The following SCARA3 variants were observed in gnomAD, a reference collection of about 807,000 sequenced individuals.
SCARA3 encodes scavenger receptor class A member 3.
Under a neutral mutation model 47.0 loss-of-function variants are expected in SCARA3, and 39 were observed. The observed-to-expected ratio is 0.83, with a 90% CI of 0.64 to 1.08. SCARA3 has a LOEUF of 1.08. SCARA3 is among the 50% of genes least tolerant of loss of function. SCARA3 has a pLI of 0.00. For missense variants in SCARA3, 724 were observed against 792.3 expected (o/e 0.91, Z 1.04); for synonymous variants, 356 against 334.1 (o/e 1.07, Z -0.71).
chr8:27,651,713 A>G, intron 3 of SCARA3, 86 bp downstream of exon 3: 3 of 1,538,196 alleles, frequency 2.0e-6, no homozygotes, highest in Non-Finnish European at 2.6e-6. Flanking sequence ...AAAGACAAAC[A>G]CTTGACATCT....
chr8:27,722,719 C>T, the SCARA3 span, among the ~76,000 whole-genome samples: 1 of 152,190 alleles, frequency 6.6e-6, no homozygotes, highest in Non-Finnish European at 1.5e-5. Flanking sequence ...ACCAAAGCAG[C>T]TTTCTCCTAT....
rs1029660903 is a variant in SCARA3, at chr8:27,671,691, T to C, written c.*340T>C. On this transcript the variant is annotated 3_prime_UTR_variant, in exon 6 of 6. Coordinates refer to ENST00000301904, the MANE Select transcript of SCARA3 (RefSeq NM_016240.3). ...ACATGCACACATACACGTGCACACA[T>C]ACACAGGCACACATGCATGCACACA... The C allele has an allele frequency of 4.7e-6, 5 of 1,054,308 alleles. No individual in the cohort carries two copies. Among genetic ancestry groups the C allele is most frequent in the Admixed American group, 5.4e-5 (1 of 18,556 alleles). 65.3% of individuals were successfully genotyped at this position (1,054,308 alleles called of 1,614,324 possible).
At chr8:27,651,334 C>A (rs1367656604) in intron 2 of SCARA3, among the ~76,000 whole-genome samples, 174 bp from the exon 3 acceptor site, 1 of 152,206 alleles carries the variant, frequency 6.6e-6, no homozygotes, top group Non-Finnish European at 1.5e-5. Context: ...CCAGAAAGCA[C>A]CAGCACCTAG....
the SCARA3 span, among the ~76,000 whole-genome samples, chr8:27,727,752 A>G: frequency 1.3e-5 from 2 of 152,222 alleles, no homozygotes; most frequent in African/African-American, 4.8e-5. Context: ...TAGATTTGTA[A>G]TGTTATGTTA....
At chr8:27,639,682 T>C (rs955364874) in intron 1 of SCARA3, among the ~76,000 whole-genome samples, 1 of 152,220 alleles carries the variant, frequency 6.6e-6, no homozygotes, top group Admixed American at 6.5e-5. Context: ...AGATATTCTC[T>C]CGTGGCCTTA....
the SCARA3 span, among the ~76,000 whole-genome samples, chr8:27,716,454 A>G: frequency 6.6e-6 from 1 of 152,284 alleles, no homozygotes; most frequent in East Asian, 1.9e-4. Context: ...TCAAAGAAAG[A>G]TGGGAACATG....
chr8:27,653,599 G>GTA (rs1801680652), intron 3 of SCARA3, among the ~76,000 whole-genome samples: 1 of 151,960 alleles, frequency 6.6e-6, no homozygotes, highest in African/African-American at 2.4e-5. Context: ...GTGTGTGTGT[G>GTA]TATGGTGTAT....
At chr8:27,696,437 T>TTTTTG in the SCARA3 span, among the ~76,000 whole-genome samples, 6 of 151,940 alleles carry the variant, frequency 3.9e-5, no homozygotes, top group African/African-American at 1.2e-4. Flanking sequence ...GAATCAGTAT[T>TTTTTG]TTTTGTTTTG....
At chr8:27,696,947 T>C in the SCARA3 span, among the ~76,000 whole-genome samples, 1 of 152,194 alleles carries the variant, frequency 6.6e-6, no homozygotes, top group Admixed American at 6.5e-5. Context: ...GAAAATGTTC[T>C]AAAATGATAT....
intron 5 of SCARA3, among the ~76,000 whole-genome samples, chr8:27,667,661 C>G (rs547471839): frequency 1.3e-5 from 2 of 152,336 alleles, no homozygotes; most frequent in East Asian, 3.9e-4. Flanking sequence ...AGCAGACACT[C>G]GACGAAGTTG....
chr8:27,707,747 A>G, the SCARA3 span, among the ~76,000 whole-genome samples: 1 of 152,116 alleles, frequency 6.6e-6, no homozygotes, highest in East Asian at 1.9e-4. Context: ...AAAAATTTTA[A>G]AAGGCCTAAA....
chr8:27,649,665 G>A (rs1244080975), intron 1 of SCARA3, 37 bp from the exon 2 acceptor site: 34 of 1,593,280 alleles, frequency 2.1e-5, no homozygotes, highest in Non-Finnish European at 2.3e-5. Flanking sequence ...AGAGGCCTGG[G>A]ATGGCTTTGG....
the SCARA3 span, among the ~76,000 whole-genome samples, chr8:27,705,489 C>T: frequency 6.6e-6 from 1 of 152,272 alleles, no homozygotes; most frequent in Non-Finnish European, 1.5e-5. Context: ...CATCACCCGA[C>T]AGGGGCTCCT....
At chr8:27,651,434 G>A in intron 2 of SCARA3, 74 bp from the exon 3 acceptor site, 1 of 1,551,622 alleles carries the variant, frequency 6.4e-7, no homozygotes, top group Non-Finnish European at 8.7e-7. Context: ...ACCAGAGCAG[G>A]AACATGGAAC....
the SCARA3 span, among the ~76,000 whole-genome samples, chr8:27,718,704 G>A: frequency 2.6e-5 from 4 of 152,196 alleles, no homozygotes; most frequent in Admixed American, 6.5e-5. Flanking sequence ...GACACAACAG[G>A]GGTGAATGCT....
the SCARA3 span, among the ~76,000 whole-genome samples, chr8:27,708,914 G>A: frequency 6.6e-6 from 1 of 152,134 alleles, no homozygotes; most frequent in Non-Finnish European, 1.5e-5. Flanking sequence ...CTCCCTTACA[G>A]TGTGTGGAAG....
At chr8:27,700,790 G>C in the SCARA3 span, among the ~76,000 whole-genome samples, 1 of 152,258 alleles carries the variant, frequency 6.6e-6, no homozygotes, top group East Asian at 1.9e-4. Flanking sequence ...AATACAAAAT[G>C]TTGTGAGGAT....
At chr8:27,675,742 A>G (rs980303878), downstream of SCARA3, among the ~76,000 whole-genome samples, 7 of 152,134 alleles carry the variant, frequency 4.6e-5, no homozygotes, top group African/African-American at 1.2e-4. Context: ...GTGAGCTGAG[A>G]TTGTACCACT....
the SCARA3 span, among the ~76,000 whole-genome samples, chr8:27,717,350 G>A: frequency 2.0e-5 from 3 of 152,108 alleles, no homozygotes; most frequent in African/African-American, 4.8e-5. Flanking sequence ...ACATGAGAAC[G>A]ACACCAACGA....
Sources: gnomAD v4.1 joint callset for allele counts (sites outside exome capture counted in the v4.1 genomes callset) on GRCh38, gnomAD v4.1.1 for gene constraint, MANE v1.5 for transcripts, NCBI Gene and HGNC (gene_info 2026-07-23, HGNC 2026-07-21) for gene names.